Variants in DNAH7 observed in about 807,000 individuals in gnomAD.
The protein encoded by DNAH7 is axonemal beta dynein heavy chain 7.
A neutral mutation model predicts 444.6 loss-of-function variants in DNAH7; 397 were observed. The observed-to-expected ratio is 0.89, with a 90% confidence interval of 0.82 to 0.97. The LOEUF is 0.97. Among genes scored for constraint, DNAH7 ranks in the 50% least tolerant of loss-of-function variants. DNAH7 has a pLI of 0.00. For missense variants in DNAH7, 4,902 were observed against 4,800.8 expected (o/e 1.02, Z -0.62); for synonymous variants, 1,636 against 1,624.4 (o/e 1.01, Z -0.17).
intron 22 of DNAH7, 55 bp from the exon 23 acceptor site, chr2:195,923,862 A>T: frequency 6.7e-7 from 1 of 1,484,272 alleles, no homozygotes; most frequent in Non-Finnish European, 9.4e-7. Context: ...ATTATTTTGA[A>T]CAAAACATTC....
intron 38 of DNAH7, 39 bp from the exon 39 acceptor site, chr2:195,873,733 G>C: frequency 7.1e-7 from 1 of 1,408,848 alleles, no homozygotes; most frequent in Non-Finnish European, 9.5e-7. Flanking sequence ...AATGTTACTA[G>C]TATATACAAG....
rs535913307 is a variant in DNAH7 at position 195,804,849 on chromosome 2, T to C, written c.10176+1891A>G. Among the ~76,000 whole-genome samples the C allele has an allele frequency of 1.6e-4, 24 of 152,180 alleles. No individual in the cohort carries two copies. In the East Asian group the frequency reaches 4.6e-3, roughly 29 times the overall value. ...TATTGTCCACATATCTATCTATCTATCCAAGTAAAATGGGGAAACTGTAGA... is the reference window on the plus strand; with the variant it reads ...TATTGTCCACATATCTATCTATCTACCCAAGTAAAATGGGGAAACTGTAGA... On this transcript the variant is annotated intron_variant, in intron 54 of 64. Transcript: ENST00000312428.
Position 195,949,244 on chromosome 2 carries a change from A to G in DNAH7, c.3078+8017T>C, listed in dbSNP as rs975082997. Reference sequence around the variant, plus strand: ...ATCATGTCATCTGCAAACAGAGACAATCTGACTTCCTCTCTTCCTTTTTGA... The same window carrying G: ...ATCATGTCATCTGCAAACAGAGACAGTCTGACTTCCTCTCTTCCTTTTTGA... On this transcript the variant is annotated intron_variant, in intron 19 of 64. Coordinates refer to ENST00000312428, the MANE Select transcript of DNAH7 (RefSeq NM_018897.3). Among the ~76,000 whole-genome samples, 6 of 152,280 alleles carry G rather than the reference A, an allele frequency of 3.9e-5. No homozygotes were observed. In the South Asian group the frequency reaches 1.0e-3, roughly 26 times the overall value.
intron 22 of DNAH7, among the ~76,000 whole-genome samples, chr2:195,924,580 C>T (rs1486738310): frequency 2.7e-5 from 4 of 148,346 alleles, no homozygotes; most frequent in African/African-American, 5.0e-5. Context: ...GGTGACAGAG[C>T]GAGACTCCAT....
chr2:196,011,706 G>A (rs1694735604), intron 10 of DNAH7, among the ~76,000 whole-genome samples: 2 of 152,144 alleles, frequency 1.3e-5, no homozygotes, highest in African/African-American at 2.4e-5. Context: ...GTTCTTCCCT[G>A]AGAATCAATC....
Position 195,957,357 on chromosome 2 carries a change from GA to G in DNAH7, c.2981del (p.Phe994SerfsTer27). The G allele has an allele frequency of 6.2e-7, 1 of 1,607,872 alleles. No individual in the cohort carries two copies. The highest frequency in any genetic ancestry group is 8.5e-7 in the Non-Finnish European group (1 of 1,175,824). On this transcript the variant is annotated frameshift_variant, in exon 19 of 65. Transcript: ENST00000312428. LOFTEE classifies it high-confidence loss of function. ...QATWLYLEPIFSSPDIMSQMP... is the reference protein window; with the variant it reads ...QATWLYLEPIXSSPDIMSQMP... Reference sequence around the variant, plus strand: ...TTTGAGACATAATGTCTGGAGAGCTGAAAATGGGCTCCAGATACAGCCACGT... The same window carrying G: ...TTTGAGACATAATGTCTGGAGAGCTGAAATGGGCTCCAGATACAGCCACGT...
intron 15 of DNAH7, among the ~76,000 whole-genome samples, chr2:195,984,184 A>G (rs1401509898): frequency 6.6e-6 from 1 of 152,144 alleles, no homozygotes; most frequent in East Asian, 1.9e-4. Context: ...AGCCAAGTCA[A>G]CCTGCTGAAG....
chr2:195,994,657 A>C (rs1693574940), intron 12 of DNAH7: 3 of 513,086 alleles, frequency 5.8e-6, no homozygotes, highest in Non-Finnish European at 1.2e-5. Context: ...TCTATTGAGT[A>C]AAGTGCTTCA....
At chr2:195,967,874 C>T (rs1391842858) in intron 17 of DNAH7, among the ~76,000 whole-genome samples, 6 of 152,152 alleles carry the variant, frequency 3.9e-5, no homozygotes, top group Non-Finnish European at 8.8e-5. Flanking sequence ...TGAATATTGG[C>T]ATCTTTCTCC....
intron 10 of DNAH7, among the ~76,000 whole-genome samples, chr2:196,004,387 TTGA>T (rs1553603197): frequency 1.3e-5 from 2 of 152,136 alleles, no homozygotes; most frequent in Non-Finnish European, 2.9e-5. Flanking sequence ...TCAAAAATAG[TTGA>T]TGGTCATAAA....
chr2:196,050,165 T>A (rs557087917), intron 3 of DNAH7, among the ~76,000 whole-genome samples: 1 of 152,346 alleles, frequency 6.6e-6, no homozygotes, highest in Admixed American at 6.5e-5. Context: ...GTTCTCAGCT[T>A]TTAAAATATC....
chr2:195,847,285 T>C (rs1199899284), intron 46 of DNAH7, among the ~76,000 whole-genome samples: 1 of 151,600 alleles, frequency 6.6e-6, no homozygotes, highest in African/African-American at 2.4e-5. Flanking sequence ...AAATGGTACA[T>C]ATACACCATG....
intron 47 of DNAH7, among the ~76,000 whole-genome samples, chr2:195,842,341 A>G (rs1698736720): frequency 6.6e-6 from 1 of 152,102 alleles, no homozygotes; most frequent in South Asian, 2.1e-4. Context: ...GTTTTCCTAA[A>G]TAATCGTCTC....
chr2:195,826,048 T>C (rs557972661), intron 48 of DNAH7, among the ~76,000 whole-genome samples: 1 of 152,362 alleles, frequency 6.6e-6, no homozygotes, highest in East Asian at 1.9e-4. Context: ...TTAAATATGT[T>C]AATTTTCTGT....
intron 5 of DNAH7, among the ~76,000 whole-genome samples, chr2:196,030,609 T>C: frequency 6.6e-6 from 1 of 152,196 alleles, no homozygotes; most frequent in East Asian, 1.9e-4. Flanking sequence ...ATTTCCTAGA[T>C]ATAATGGGGG....
intron 45 of DNAH7, among the ~76,000 whole-genome samples, chr2:195,855,075 G>A (rs1043718954): frequency 6.6e-6 from 1 of 152,186 alleles, no homozygotes; most frequent in Non-Finnish European, 1.5e-5. Context: ...CAAGTTGCTT[G>A]ATCTTTCTGT....
At chr2:195,815,725 G>A (rs185447506) in intron 51 of DNAH7, among the ~76,000 whole-genome samples, 8 of 152,250 alleles carry the variant, frequency 5.3e-5, no homozygotes, top group African/African-American at 7.2e-5. Context: ...TGTCTTGGCC[G>A]GGCATGGTGG....
chr2:195,805,258 T>G (rs1378251546), intron 54 of DNAH7, among the ~76,000 whole-genome samples: 1 of 152,216 alleles, frequency 6.6e-6, no homozygotes, highest in Non-Finnish European at 1.5e-5. Context: ...CACGAACTTT[T>G]TTTTTTAATA....
Position 195,934,623 on chromosome 2 carries a change from A to C in DNAH7, c.3439T>G (p.Leu1147Val), listed in dbSNP as rs369233783. The change falls in exon 21 of 65, where the codon TTA becomes GTA. Residue 1147 changes from leucine to valine, a missense_variant. By Grantham distance (32) the Leu-to-Val change is conservative (BLOSUM62 1). Coordinates refer to ENST00000312428, the MANE Select transcript of DNAH7 (RefSeq NM_018897.3). ...RGQVEKWLVE[L>V]ERVMINSIHK... ...ATGGAGTTAATCATAACTCTCTCTA[A>C]TTCAACCAACCACTTCTCCACTTGA... 6 of 1,613,994 alleles carry C rather than the reference A, an allele frequency of 3.7e-6. 1 individual carries two copies. Among genetic ancestry groups the C allele is most frequent in the Non-Finnish European group, 5.1e-6 (6 of 1,179,982 alleles).
Sources: gnomAD v4.1 joint callset for allele counts (sites outside exome capture counted in the v4.1 genomes callset) on GRCh38, gnomAD v4.1.1 for gene constraint, MANE v1.5 for transcripts, NCBI Gene and HGNC (gene_info 2026-07-23, HGNC 2026-07-21) for gene names.